KLHL4: variants seen among roughly 807,000 people sequenced by gnomAD.
The protein encoded by KLHL4 is kelch like family member 4.
A neutral mutation model predicts 45.8 loss-of-function variants in KLHL4; 17 were observed. The ratio of observed to expected loss-of-function variants is 0.37; its 90% CI spans 0.25 to 0.56. The LOEUF (loss-of-function observed/expected upper bound fraction) is 0.56, where lower values mean the gene tolerates loss of function less well. Ranked by LOEUF, KLHL4 falls within the 20% of genes least tolerant of loss-of-function variation. The pLI is 0.79. For missense variants in KLHL4, 544 were observed against 544.9 expected, an observed-to-expected ratio of 1.00 and a Z score of 0.02; for synonymous variants, 224 against 189.9, an observed-to-expected ratio of 1.18 and a Z score of -1.47.
At chrX:87,557,919 C>A (rs149634424) in intron 1 of KLHL4, among the ~76,000 whole-genome samples, 7 of 111,205 alleles carry the variant, frequency 6.3e-5, no homozygotes, top group African/African-American at 2.0e-4. Flanking sequence ...GCCATCCCTT[C>A]TATTGGTCAT....
At chrX:87,555,907 T>A in intron 1 of KLHL4, among the ~76,000 whole-genome samples, 1 of 110,152 alleles carries the variant, frequency 9.1e-6, no homozygotes, top group South Asian at 4.0e-4. Flanking sequence ...CCAGAGATTC[T>A]GGTATGTTGT....
At position 87,667,116 on chromosome X, in the gene KLHL4, CTTG is replaced by C. The variant is rs2147846336; in HGVS notation, c.*585_*587del. 1.3e-6 allele frequency: 1 copy of C among 749,915 alleles called. No individual in the cohort carries two copies. Among genetic ancestry groups the C allele is most frequent in the African/African-American group, 2.3e-5 (1 of 42,977 alleles). 61.8% of individuals were successfully genotyped at this position (749,915 alleles called of 1,213,427 possible). A position where few individuals can be genotyped will look rare whatever the true frequency, so the allele number is the denominator to read the frequency against. Reference sequence around the variant, plus strand: ...AAAAAATAATGGCTCTTTGACAAAACTTGTTATGTTGATCGCGGTATGTCAAAA... The same window carrying C: ...AAAAAATAATGGCTCTTTGACAAAACTTATGTTGATCGCGGTATGTCAAAA... On this transcript the variant is annotated 3_prime_UTR_variant, in exon 11 of 11. Transcript: ENST00000373119.
chrX:87,653,679 C>T (rs1923894378), intron 9 of KLHL4, among the ~76,000 whole-genome samples: 1 of 111,612 alleles, frequency 9.0e-6, no homozygotes, highest in South Asian at 3.8e-4. Flanking sequence ...TACTCACATG[C>T]ATATGTTCAT....
intron 5 of KLHL4, among the ~76,000 whole-genome samples, chrX:87,622,835 A>T (rs1922798888): frequency 1.8e-5 from 2 of 111,527 alleles, no homozygotes; most frequent in South Asian, 7.5e-4. Context: ...ATCCGCTACG[A>T]TCAAAAGAAT....
intron 1 of KLHL4, among the ~76,000 whole-genome samples, chrX:87,613,207 T>A (rs1192971499): frequency 8.9e-6 from 1 of 111,921 alleles, no homozygotes; most frequent in Non-Finnish European, 1.9e-5. Context: ...ATCAATCAAT[T>A]GTTCATCTCC....
chrX:87,588,226 G>T (rs1921543647), intron 1 of KLHL4, among the ~76,000 whole-genome samples: 1 of 111,369 alleles, frequency 9.0e-6, no homozygotes, highest in South Asian at 3.7e-4. Flanking sequence ...ACTACCCAAA[G>T]CAATCTATAG....
chrX:87,664,884 T>A lies in KLHL4; in HGVS notation c.2046T>A (p.Thr682=). ...LYVVGGYDGH[T]YLNTVESYDA... is the part of the protein sequence containing the mutation. Reference sequence around the variant, plus strand: ...TGGTTGGAGGATATGACGGACATACTTATTTGAACACAGTTGAGTCATATG... The same window carrying A: ...TGGTTGGAGGATATGACGGACATACATATTTGAACACAGTTGAGTCATATG... Residue 682 remains threonine, a synonymous_variant, in exon 10 of 11, where the codon ACT becomes ACA. Coordinates refer to ENST00000373119, the MANE Select transcript of KLHL4 (RefSeq NM_019117.5). 8.3e-7 allele frequency: 1 copy of A among 1,199,117 alleles called. No individual in the cohort carries two copies. The highest frequency in any genetic ancestry group is 1.1e-6 in the Non-Finnish European group (1 of 884,571).
In KLHL4 at chrX:87,666,929, G is replaced by T. The variant is rs999460898; in HGVS notation, c.*395G>T. On this transcript the variant is annotated 3_prime_UTR_variant, in exon 11 of 11. Transcript: ENST00000373119. Reference sequence around the variant, plus strand: ...CATTTTCAGTTTTTTTTTAAAAAACGTACTCTTATTATCTGGAACATAGAA... The same window carrying T: ...CATTTTCAGTTTTTTTTTAAAAAACTTACTCTTATTATCTGGAACATAGAA... 1 of 690,975 alleles carries T rather than the reference G, an allele frequency of 1.4e-6. No individual in the cohort carries two copies. Among genetic ancestry groups the T allele is most frequent in the East Asian group, 1.6e-4 (1 of 6,375 alleles). The allele number at this position is 690,975 out of a possible 1,213,427, so 56.9% of individuals were successfully genotyped here. A position where few individuals can be genotyped will look rare whatever the true frequency, so the allele number is the denominator to read the frequency against.
intron 1 of KLHL4, among the ~76,000 whole-genome samples, chrX:87,587,541 A>T (rs1921521101): frequency 9.0e-6 from 1 of 111,730 alleles, no homozygotes; most frequent in South Asian, 3.7e-4. Flanking sequence ...ATGAAGAATA[A>T]AATCCATATG....
intron 9 of KLHL4, among the ~76,000 whole-genome samples, chrX:87,658,941 T>C (rs1924085352): frequency 9.0e-6 from 1 of 110,676 alleles, no homozygotes; most frequent in African/African-American, 3.3e-5. Context: ...CTTTTGACAG[T>C]TTATAATGTG....
chrX:87,644,871 C>A (rs1923580940), intron 9 of KLHL4, among the ~76,000 whole-genome samples: 1 of 111,879 alleles, frequency 8.9e-6, no homozygotes, highest in Non-Finnish European at 1.9e-5. Context: ...AAACTGGATT[C>A]TCATCTCCCA....
intron 9 of KLHL4, among the ~76,000 whole-genome samples, chrX:87,656,055 A>G (rs950110935): frequency 9.0e-6 from 1 of 111,401 alleles, no homozygotes; most frequent in African/African-American, 3.3e-5. Context: ...TGAGAAGTCC[A>G]CTGTTAGTCT....
intron 4 of KLHL4, among the ~76,000 whole-genome samples, chrX:87,620,924 G>T (rs763663875): frequency 6.2e-5 from 7 of 112,570 alleles, no homozygotes; most frequent in Non-Finnish European, 1.3e-4. Context: ...ACCATTATTT[G>T]TATAAGTGGG....
chrX:87,580,455 T>C (rs1921239095), intron 1 of KLHL4, among the ~76,000 whole-genome samples: 1 of 110,891 alleles, frequency 9.0e-6, no homozygotes, highest in East Asian at 2.8e-4. Flanking sequence ...AGATCCAACT[T>C]TATGCTGCCT....
At chrX:87,646,049 G>GA (rs893102680) in intron 9 of KLHL4, among the ~76,000 whole-genome samples, 16 of 110,839 alleles carry the variant, frequency 1.4e-4, no homozygotes, top group African/African-American at 4.9e-4. Flanking sequence ...ATAATTTATG[G>GA]AAAAAAATTA....
intron 1 of KLHL4, among the ~76,000 whole-genome samples, chrX:87,543,205 A>T (rs760864159): frequency 3.6e-4 from 40 of 111,463 alleles, no homozygotes; most frequent in Middle Eastern, 4.7e-3. Context: ...CAAGTTTCAG[A>T]TAAAATCTTC....
chrX:87,632,444 TA>T lies in KLHL4; in HGVS notation c.1549+12del. The T allele has an allele frequency of 9.1e-7, 1 of 1,094,997 alleles. No homozygotes were observed. Among genetic ancestry groups the T allele is most frequent in the Non-Finnish European group, 1.3e-6 (1 of 798,686 alleles). 90.2% of individuals were successfully genotyped at this position (1,094,997 alleles called of 1,213,427 possible). On this transcript the variant is annotated intron_variant, in intron 7 of 10. Transcript: ENST00000373119. ...CATCGGCACGGCTTAGGTAAGAGCT[TA>T]ACGTAATGTATTTTTCAAGAATGTA...
intron 1 of KLHL4, among the ~76,000 whole-genome samples, chrX:87,602,937 G>A (rs1046860884): frequency 9.0e-6 from 1 of 111,532 alleles, no homozygotes; most frequent in Non-Finnish European, 1.9e-5. Flanking sequence ...ACACACATGT[G>A]AAGAAAATCT....
chrX:87,564,620 A>G (rs2147786662), intron 1 of KLHL4, among the ~76,000 whole-genome samples: 1 of 112,033 alleles, frequency 8.9e-6, no homozygotes, highest in East Asian at 2.8e-4. Flanking sequence ...ATAAAGGACT[A>G]AACCATCAAA....
Sources: allele counts gnomAD v4.1 joint callset (sites outside exome capture counted in the v4.1 genomes callset), GRCh38; gene constraint gnomAD v4.1.1; transcripts MANE v1.5; gene names NCBI Gene and HGNC (gene_info 2026-07-23, HGNC 2026-07-21).